ASB3: variants seen among roughly 807,000 people sequenced by gnomAD.
ASB3 encodes ankyrin repeat and SOCS box containing 3, also known as ankyrin repeat and SOCS box protein 3.
A neutral mutation model predicts 54.5 loss-of-function variants in ASB3; 41 were observed. The ratio of observed to expected loss-of-function variants is 0.75; its 90% confidence interval spans 0.59 to 0.98. The LOEUF (loss-of-function observed/expected upper bound fraction) is 0.98, where lower values mean the gene tolerates loss of function less well. Among genes scored for constraint, ASB3 ranks in the 50% least tolerant of loss-of-function variants. The pLI, the probability that ASB3 is intolerant of heterozygous loss-of-function variation, is 0.00. For synonymous variants in ASB3, 266 were observed against 221.2 expected (o/e 1.20, Z -1.80); for missense variants, 733 against 620.0 (o/e 1.18, Z -1.94).
At chr2:53,687,128 T>C (rs1242727030) in intron 9 of ASB3, among the ~76,000 whole-genome samples, 1 of 152,052 alleles carries the variant, frequency 6.6e-6, no homozygotes, top group Non-Finnish European at 1.5e-5. Context: ...TCTAGTTTAA[T>C]AAGAATTTCC....
chr2:53,716,106 G>C (rs981307173), intron 6 of ASB3, among the ~76,000 whole-genome samples: 1 of 152,116 alleles, frequency 6.6e-6, no homozygotes, highest in African/African-American at 2.4e-5. Flanking sequence ...TCCAATTTGA[G>C]GTTAGATCAA....
At chr2:53,783,204 G>T (rs557305286) in intron 1 of ASB3, among the ~76,000 whole-genome samples, 29 of 152,106 alleles carry the variant, frequency 1.9e-4, no homozygotes, top group Non-Finnish European at 3.7e-4. Flanking sequence ...TATCCTCAAA[G>T]AAATTCATGT....
chr2:53,716,327 G>C (rs781340629), intron 6 of ASB3, among the ~76,000 whole-genome samples: 1 of 152,062 alleles, frequency 6.6e-6, no homozygotes, highest in Non-Finnish European at 1.5e-5. Flanking sequence ...TCAACACCCC[G>C]AGAAAGTCCC....
In ASB3 at chr2:53,731,079, C is replaced by T. The variant is rs115219971; in HGVS notation, c.356-1509G>A. Among the ~76,000 whole-genome samples, 1,134 of 152,234 alleles carry T rather than the reference C, an allele frequency of 7.4e-3. 17 individuals carry two copies. The highest frequency in any genetic ancestry group is 0.026 in the African/African-American group (1,088 of 41,536). On this transcript the variant is annotated intron_variant, in intron 3 of 9. Transcript: ENST00000263634. ...ATTGAATTTATACCAAAGCTTATTT[C>T]CCCTATAAGACACTCAGAAGTTCTT...
At chr2:53,753,444 G>C (rs936832946) in intron 2 of ASB3, among the ~76,000 whole-genome samples, 7 of 152,142 alleles carry the variant, frequency 4.6e-5, no homozygotes, top group South Asian at 2.1e-4. Flanking sequence ...TTCTGGAGTA[G>C]AGTCCAGACA....
At chr2:53,727,033 T>C (rs1042836926) in intron 5 of ASB3, among the ~76,000 whole-genome samples, 6 of 152,124 alleles carry the variant, frequency 3.9e-5, no homozygotes, top group Admixed American at 2.0e-4. Context: ...AGGATAGTCC[T>C]CCGGAAGGTA....
intron 9 of ASB3, among the ~76,000 whole-genome samples, chr2:53,691,453 T>G (rs532500115): frequency 2.6e-5 from 4 of 152,252 alleles, no homozygotes; most frequent in South Asian, 2.1e-4. Flanking sequence ...AAAAAAAAAT[T>G]TTTAAATATA....
chr2:53,767,720 G>A (rs1206261433), intron 1 of ASB3: 4 of 758,654 alleles, frequency 5.3e-6, no homozygotes, highest in Non-Finnish European at 8.4e-6. Flanking sequence ...ACTGAGATCC[G>A]CTCGGAAAAT....
chr2:53,774,269 C>T (rs1157965935), intron 1 of ASB3: 1 of 1,614,126 alleles, frequency 6.2e-7, no homozygotes, highest in Admixed American at 1.7e-5. Context: ...AAAGATCCCA[C>T]AACAAAACCA....
In ASB3 at chr2:53,755,978, C is replaced by CCG. The variant is rs748258770; in HGVS notation, c.197-5038_197-5037insCG. On this transcript the variant is annotated intron_variant, in intron 2 of 9. Transcript: ENST00000263634. ...GACCAACCTGGACAAAATAGTAAGA[C>CCG]CCCCCCCCCACCTCTACAAAATATA... is the stretch of plus-strand genomic sequence containing the variant. 5.9e-5 allele frequency among the ~76,000 whole-genome samples: 5 copies of CCG among 85,308 alleles called. No homozygotes were observed. The South Asian group carries it at 8.3e-4, about 14-fold the overall frequency. 56.0% of individuals were successfully genotyped at this position (85,308 alleles called of 152,430 possible). A position where few individuals can be genotyped will look rare whatever the true frequency, so the allele number is the denominator to read the frequency against.
chr2:53,688,174 G>A (rs10209918), intron 9 of ASB3, among the ~76,000 whole-genome samples: 1 of 152,132 alleles, frequency 6.6e-6, no homozygotes, highest in Non-Finnish European at 1.5e-5. Flanking sequence ...GGATCTGGTT[G>A]TAAGTTAACT....
intron 7 of ASB3, among the ~76,000 whole-genome samples, chr2:53,703,205 T>G (rs1669586055): frequency 6.6e-6 from 1 of 152,238 alleles, no homozygotes; most frequent in Non-Finnish European, 1.5e-5. Flanking sequence ...TTTTCTTATA[T>G]TTCCTCATTC....
chr2:53,711,975 ACTT>A (rs1220498460), intron 7 of ASB3, among the ~76,000 whole-genome samples: 3 of 152,156 alleles, frequency 2.0e-5, no homozygotes, highest in African/African-American at 7.2e-5. Context: ...CATGTTAAGA[ACTT>A]CTTAGCATCA....
chr2:53,711,543 G>A (rs1670097416), intron 7 of ASB3, among the ~76,000 whole-genome samples: 1 of 152,152 alleles, frequency 6.6e-6, no homozygotes, highest in Admixed American at 6.5e-5. Flanking sequence ...GGGAGTCCGA[G>A]GCAGGCAGAT....
intron 7 of ASB3, 49 bp downstream of exon 7, chr2:53,714,334 TC>T: frequency 6.3e-7 from 1 of 1,595,354 alleles, no homozygotes; most frequent in Middle Eastern, 1.7e-4. Context: ...AAAACACATC[TC>T]CATACAGCAA....
chr2:53,691,081 G>C (rs1193713927), intron 9 of ASB3, among the ~76,000 whole-genome samples: 1 of 152,180 alleles, frequency 6.6e-6, no homozygotes, highest in Non-Finnish European at 1.5e-5. Flanking sequence ...TTGATTAAAA[G>C]ATTGTTACTG....
intron 5 of ASB3, among the ~76,000 whole-genome samples, chr2:53,723,234 A>C (rs79498271): frequency 0.057 from 8,681 of 152,272 alleles, 455 homozygotes; most frequent in East Asian, 0.28. Flanking sequence ...GATTGCAAAA[A>C]TCAATATCAT....
chr2:53,741,875 C>T (rs1473797366), intron 3 of ASB3, among the ~76,000 whole-genome samples: 1 of 152,052 alleles, frequency 6.6e-6, no homozygotes, highest in Admixed American at 6.5e-5. Flanking sequence ...GATTTTTGAA[C>T]TCCAGATCAA....
chr2:53,700,688 G>C (rs965271826), intron 7 of ASB3, among the ~76,000 whole-genome samples, 160 bp from the exon 8 acceptor site: 1 of 152,128 alleles, frequency 6.6e-6, no homozygotes, highest in Non-Finnish European at 1.5e-5. Flanking sequence ...AGAGAATGTG[G>C]TGGGGCTTTT....
Sources: gnomAD v4.1 joint callset for allele counts (sites outside exome capture counted in the v4.1 genomes callset) on GRCh38, gnomAD v4.1.1 for gene constraint, MANE v1.5 for transcripts, NCBI Gene and HGNC (gene_info 2026-07-23, HGNC 2026-07-21) for gene names.